Variants in MUC3A observed in about 807,000 individuals in gnomAD.
MUC3A encodes the protein mucin-3A.
Under a neutral mutation model 109.0 loss-of-function variants are expected in MUC3A, and 109 were observed. The observed-to-expected ratio is 1.00, with a 90% confidence interval of 0.86 to 1.17. MUC3A has a LOEUF of 1.17. Ranked by LOEUF, MUC3A falls within the 50% of genes most tolerant of loss-of-function variation. The pLI is 0.00. For missense variants in MUC3A, 3,537 were observed against 2,469.4 expected, an observed-to-expected ratio of 1.43 and a Z score of -9.16; for synonymous variants, 1,398 against 981.4, an observed-to-expected ratio of 1.42 and a Z score of -7.93.
chr7:100,957,715 T>C lies in MUC3A; in HGVS notation c.5936T>C (p.Ile1979Thr). Residue 1979 changes from isoleucine to threonine, a missense_variant, in exon 2 of 12, where the codon ATC becomes ACC. Coordinates refer to ENST00000379458, the MANE Select transcript of MUC3A (RefSeq NM_005960.2). The stretch of plus-strand genomic sequence containing the variant: ...AATACTCCCAGCCTCACTTCTTCAA[T>C]CACCACCACCAAGACCACCTCACAC... ...SHNTPSLTSS[I>T]TTTKTTSHST... 4 of 1,400,940 alleles carry C rather than the reference T, an allele frequency of 2.9e-6. No individual in the cohort carries two copies. The highest frequency in any genetic ancestry group is 3.0e-6 in the Non-Finnish European group (3 of 1,002,470). 86.8% of individuals were successfully genotyped at this position (1,400,940 alleles called of 1,614,324 possible). A position where few individuals can be genotyped will look rare whatever the true frequency, so the allele number is the denominator to read the frequency against.
chr7:100,958,147 G>C lies in MUC3A; in HGVS notation c.6368G>C (p.Ser2123Thr). Residue 2123 changes from serine (S) to threonine (T), a missense_variant, in exon 2 of 12, where the codon AGT becomes ACT. Transcript: ENST00000379458. The part of the protein sequence containing the change: ...SITTSEMPSH[S>T]TPSFTSSITT... ...ACCACCTCTGAGATGCCCTCACACA[G>C]TACTCCCAGCTTCACTTCTTCGATC... The C allele has an allele frequency of 8.2e-7, 1 of 1,220,748 alleles. No individual in the cohort carries two copies. The allele number at this position is 1,220,748 out of a possible 1,614,324, so 75.6% of individuals were successfully genotyped here.
Position 100,964,873 on chromosome 7 carries a change from G to T in MUC3A, c.9382+30G>T, listed in dbSNP as rs1359496968. On this transcript the variant is annotated intron_variant, in intron 6 of 11. Transcript: ENST00000379458. ...GCCCAGGCTGGAGGGAGGGGCCAGGGCCTGAGGTGTCACCCCAGCCCACTC... is the reference window on the plus strand; with the variant it reads ...GCCCAGGCTGGAGGGAGGGGCCAGGTCCTGAGGTGTCACCCCAGCCCACTC... The T allele has an allele frequency of 1.9e-6, 3 of 1,579,600 alleles. No individual in the cohort carries two copies. In the African/African-American group the frequency reaches 4.0e-5, roughly 21 times the overall value.
In MUC3A at chr7:100,955,543, C is replaced by T. The variant is rs1456187938; in HGVS notation, c.3764C>T (p.Thr1255Ile). Residue 1255 changes from threonine to isoleucine, a missense_variant, in exon 2 of 12, where the codon ACC becomes ATC. Transcript: ENST00000379458. ...NTETSSLVSM[T>I]SATTPSLRPT... is the part of the protein sequence containing the mutation. ...GAAACCTCATCCCTTGTCAGCATGA[C>T]CTCTGCCACCACTCCCAGTTTGAGA... 2 of 514,482 alleles carry T rather than the reference C, an allele frequency of 3.9e-6. No individual in the cohort carries two copies. The highest frequency in any genetic ancestry group is 3.4e-6 in the Non-Finnish European group (1 of 294,808). The allele number at this position is 514,482 out of a possible 1,614,324, so 31.9% of individuals were successfully genotyped here.
chr7:100,954,643 C>T lies in MUC3A; in HGVS notation c.2864C>T (p.Thr955Ile). 2.5e-6 allele frequency: 1 copy of T among 400,258 alleles called. No individual in the cohort carries two copies. 24.8% of individuals were successfully genotyped at this position (400,258 alleles called of 1,614,324 possible). Residue 955 changes from threonine (T) to isoleucine (I), a missense_variant, in exon 2 of 12, where the codon ACA (threonine) becomes ATA (isoleucine). By Grantham distance (89) the Thr-to-Ile change is moderately conservative. Transcript: ENST00000379458. ...PSPTTTTSFT[T>I]STMMEPPSST... ...CCCACTACCACCACCTCATTTACCA[C>T]ATCCACAATGATGGAACCACCTTCA...
Position 100,956,901 on chromosome 7 carries a change from A to C in MUC3A, c.5122A>C (p.Thr1708Pro), listed in dbSNP as rs1298700954. ...ACCTACAACCACCATGTCATTCACA[A>C]CATTTACAAAGATGGAAACACCTTC... ...PSPTTTMSFT[T>P]FTKMETPSST... is the part of the protein sequence containing the mutation. The change falls in exon 2 of 12, where the codon ACA becomes CCA. Residue 1708 changes from threonine to proline, a missense_variant. Coordinates refer to ENST00000379458, the MANE Select transcript of MUC3A (RefSeq NM_005960.2). 9 of 411,602 alleles carry C rather than the reference A, an allele frequency of 2.2e-5. No individual in the cohort carries two copies. Among genetic ancestry groups the C allele is most frequent in the Non-Finnish European group, 3.0e-5 (7 of 235,214 alleles). The allele number at this position is 411,602 out of a possible 1,614,324, so 25.5% of individuals were successfully genotyped here.
In MUC3A at chr7:100,960,063, T is replaced by A; in HGVS notation, c.8284T>A (p.Ser2762Thr). 1 of 1,510,542 alleles carries A rather than the reference T, an allele frequency of 6.6e-7. No homozygotes were observed. The highest frequency in any genetic ancestry group is 1.3e-5 in the South Asian group (1 of 75,158). The allele number at this position is 1,510,542 out of a possible 1,614,324, so 93.6% of individuals were successfully genotyped here. The change falls in exon 2 of 12, where the codon TCC (serine) becomes ACC (threonine). Residue 2762 changes from serine (S) to threonine (T), a missense_variant. Transcript: ENST00000379458. Reference protein sequence around the residue: ...LTEITPFSYISLPSTTPCPGT... With the variant: ...LTEITPFSYITLPSTTPCPGT... Reference sequence around the variant, plus strand: ...TGAAATAACCCCCTTTTCTTATATTTCCCTTCCCTCCACCACACCCTGTCC... The same window carrying A: ...TGAAATAACCCCCTTTTCTTATATTACCCTTCCCTCCACCACACCCTGTCC...
chr7:100,959,356 T>C lies in MUC3A; in HGVS notation c.7577T>C (p.Ile2526Thr), dbSNP rs2116196428. 2 of 1,541,214 alleles carry C rather than the reference T, an allele frequency of 1.3e-6. No homozygotes were observed. Among genetic ancestry groups the C allele is most frequent in the Non-Finnish European group, 1.7e-6 (2 of 1,152,436 alleles). The change falls in exon 2 of 12, where the codon ATT (isoleucine) becomes ACT (threonine). Residue 2526 changes from isoleucine to threonine, a missense_variant. Ile to Thr is a moderately conservative substitution (Grantham distance 89). Transcript: ENST00000379458. ...ISTLPTRTHI[I>T]SSSPSIQSTE... is the part of the protein sequence containing the mutation. ...ACCTTACCAACTCGAACACACATCA[T>C]TTCATCTTCTCCCTCCATCCAAAGT...
Position 100,952,037 on chromosome 7 carries a change from C to T in MUC3A, c.258C>T (p.Leu86=), listed in dbSNP as rs776785897. 5.6e-5 allele frequency: 89 copies of T among 1,598,556 alleles called. No homozygotes were observed. In the South Asian group the frequency reaches 9.2e-4, roughly 17 times the overall value. ...MTLTTSPHDT[L]ISETLLNSPV... ...TCACTACCTCCCCCCATGACACACTCATCTCTGAAACATTGCTCAACTCTC... is the reference window on the plus strand; with the variant it reads ...TCACTACCTCCCCCCATGACACACTTATCTCTGAAACATTGCTCAACTCTC... Residue 86 remains leucine (L), a synonymous_variant, in exon 2 of 12, where the codon CTC becomes CTT. Coordinates refer to ENST00000379458, the MANE Select transcript of MUC3A (RefSeq NM_005960.2).
chr7:100,952,826 C>A lies in MUC3A; in HGVS notation c.1047C>A (p.Thr349=), dbSNP rs75319202. ...SPTSTVTDST[T]KIAYSTSMTG... is the part of the protein sequence containing the mutation. ...CCAGCACTGTCACAGACTCCACTAC[C>A]AAAATCGCCTACTCCACAAGTATGA... The change falls in exon 2 of 12, where the codon ACC becomes ACA. Residue 349 remains threonine (T), a synonymous_variant. Coordinates refer to ENST00000379458, the MANE Select transcript of MUC3A (RefSeq NM_005960.2). The A allele has an allele frequency of 7.1e-7, 1 of 1,399,902 alleles. No individual in the cohort carries two copies. Among genetic ancestry groups the A allele is most frequent in the Middle Eastern group, 1.8e-4 (1 of 5,506 alleles). The allele number at this position is 1,399,902 out of a possible 1,614,324, so 86.7% of individuals were successfully genotyped here. A position where few individuals can be genotyped will look rare whatever the true frequency, so the allele number is the denominator to read the frequency against.
intron 1 of MUC3A, among the ~76,000 whole-genome samples, chr7:100,950,534 C>A (rs1301100012): frequency 7.0e-6 from 1 of 141,984 alleles, no homozygotes; most frequent in African/African-American, 3.2e-5. Flanking sequence ...GACCCCACTT[C>A]CCTGGCACCC....
At chr7:100,950,432 C>T (rs1397175780) in intron 1 of MUC3A, among the ~76,000 whole-genome samples, 2 of 24,660 alleles carry the variant, frequency 8.1e-5, no homozygotes, top group Non-Finnish European at 1.9e-4. Flanking sequence ...CCCAGGCCAC[C>T]CAGCCTACAG....
Position 100,960,450 on chromosome 7 carries a change from C to T in MUC3A, c.8671C>T (p.Leu2891Phe). ...LPLPGVSTIP[L>F]TMKPSSSLPT... Reference sequence around the variant, plus strand: ...TCTTCCTGGCGTCTCTACCATCCCGCTCACCATGAAACCAAGCAGTAGCCT... The same window carrying T: ...TCTTCCTGGCGTCTCTACCATCCCGTTCACCATGAAACCAAGCAGTAGCCT... The change falls in exon 2 of 12, where the codon CTC (leucine) becomes TTC (phenylalanine). Residue 2891 changes from leucine to phenylalanine, a missense_variant. Coordinates refer to ENST00000379458, the MANE Select transcript of MUC3A (RefSeq NM_005960.2). 1 of 1,598,616 alleles carries T rather than the reference C, an allele frequency of 6.3e-7. No homozygotes were observed. The highest frequency in any genetic ancestry group is 1.1e-5 in the South Asian group (1 of 91,090).
rs772279518 is a variant in MUC3A at position 100,960,106 on chromosome 7, C to A, written c.8327C>A (p.Thr2776Asn). The change falls in exon 2 of 12, where the codon ACC becomes AAC. Residue 2776 changes from threonine to asparagine, a missense_variant. Physicochemically the swap from Thr to Asn is moderately conservative, Grantham distance 65. Transcript: ENST00000379458. ...TTPCPGTITI[T>N]IVPASPTDPC... is the part of the protein sequence containing the mutation. Reference sequence around the variant, plus strand: ...CCCTGTCCAGGAACTATAACAATTACCATAGTCCCTGCCTCCCCCACTGAT... The same window carrying A: ...CCCTGTCCAGGAACTATAACAATTAACATAGTCCCTGCCTCCCCCACTGAT... The A allele has an allele frequency of 6.5e-7, 1 of 1,533,816 alleles. No homozygotes were observed. The highest frequency in any genetic ancestry group is 8.7e-7 in the Non-Finnish European group (1 of 1,148,592).
In MUC3A at chr7:100,952,132, C is replaced by A. The variant is rs1281443589; in HGVS notation, c.353C>A (p.Thr118Asn). Residue 118 changes from threonine (T) to asparagine (N), a missense_variant, in exon 2 of 12, where the codon ACC becomes AAC. Thr to Asn is a moderately conservative substitution (Grantham distance 65). Coordinates refer to ENST00000379458, the MANE Select transcript of MUC3A (RefSeq NM_005960.2). ...FAFKVETTPP[T>N]VLVYSATTEC... ...TTCAAGGTTGAAACCACTCCACCCA[C>A]CGTGTTGGTCTATTCAGCCACCACT... is the stretch of plus-strand genomic sequence containing the variant. The A allele has an allele frequency of 1.9e-6, 3 of 1,598,436 alleles. No individual in the cohort carries two copies. Among genetic ancestry groups the A allele is most frequent in the Admixed American group, 3.3e-5 (2 of 60,012 alleles).
At chr7:100,965,238 C>T (rs1390199119) in intron 6 of MUC3A, 44 bp from the exon 7 acceptor site, 41 of 2,480 alleles carry the variant, frequency 0.017, no homozygotes, top group Non-Finnish European at 0.024. Context: ...ACCTTAACCC[C>T]TTGATCTGCC....
intron 3 of MUC3A, among the ~76,000 whole-genome samples, chr7:100,961,483 C>G (rs1792325216): frequency 6.6e-6 from 1 of 152,312 alleles, no homozygotes; most frequent in Admixed American, 6.5e-5. Context: ...GTTAAGGACC[C>G]TTGTGATAAC....
intron 6 of MUC3A, 27 bp from the exon 7 acceptor site, chr7:100,965,255 A>G (rs1418426312): frequency 6.3e-7 from 1 of 1,597,592 alleles, no homozygotes; most frequent in Non-Finnish European, 8.5e-7. Flanking sequence ...TGCCCCGCCC[A>G]TTCCATCTGT....
At chr7:100,965,177 G>T (rs1309049104) in intron 6 of MUC3A, 105 bp from the exon 7 acceptor site, 1 of 1,509,178 alleles carries the variant, frequency 6.6e-7, no homozygotes, top group Non-Finnish European at 8.9e-7. Context: ...GACGGAGAGA[G>T]CCCTCACTGC....
chr7:100,964,750 C>T lies in MUC3A; in HGVS notation c.9289C>T (p.Gln3097Ter), dbSNP rs768653333. Residue 3097 changes from glutamine to a stop codon, truncating the protein, a stop_gained, in exon 6 of 12, where the codon CAG (glutamine) becomes TAG (stop). Transcript: ENST00000379458. LOFTEE classifies it high-confidence loss of function. ...CCTGCTGGAGATGCCCTTCAGCCCC[C>T]AGCTGGAGAGCGAGTATGAGCAGGT... is the stretch of plus-strand genomic sequence containing the variant. ...LVLLEMPFSPQLESEYEQVKT... is the reference protein window; with the variant it reads ...LVLLEMPFSP The T allele has an allele frequency of 5.0e-6, 8 of 1,598,518 alleles. No individual in the cohort carries two copies. The highest frequency in any genetic ancestry group is 4.2e-6 in the Non-Finnish European group (5 of 1,179,802).
Sources: gnomAD v4.1 joint callset for allele counts (sites outside exome capture counted in the v4.1 genomes callset) on GRCh38, gnomAD v4.1.1 for gene constraint, MANE v1.5 for transcripts, NCBI Gene and HGNC (gene_info 2026-07-23, HGNC 2026-07-21) for gene names.